KCNIP4: variants seen among roughly 807,000 people sequenced by gnomAD.
The protein encoded by KCNIP4 is Kv channel-interacting protein 4.
KCNIP4 carries 12 observed loss-of-function variants against 34.0 expected under a neutral mutation model. That is an observed-to-expected ratio of 0.35 (90% CI 0.23 to 0.57). The LOEUF is 0.57. Among genes scored for constraint, KCNIP4 ranks in the 20% least tolerant of loss-of-function variants. The pLI is 0.83. For synonymous variants in KCNIP4, 124 were observed against 102.2 expected, an observed-to-expected ratio of 1.21 and a Z score of -1.29; for missense variants, 238 against 311.7, an observed-to-expected ratio of 0.76 and a Z score of 1.78.
In KCNIP4 at chr4:21,040,799, C is replaced by T. The variant is rs146441614; in HGVS notation, c.62-158090G>A. Among the ~76,000 whole-genome samples, 819 of 151,802 alleles carry T rather than the reference C, an allele frequency of 5.4e-3. 6 individuals are homozygous for T. The highest frequency in any genetic ancestry group is 0.019 in the African/African-American group (782 of 41,402). On this transcript the variant is annotated intron_variant, in intron 1 of 8. Coordinates refer to ENST00000382152, the MANE Select transcript of KCNIP4 (RefSeq NM_025221.6). ...AAAAACATGATGAAAAGTAAGAAGA[C>T]GAAAATGACTAGAGTGGCTTTAAAA... is the stretch of plus-strand genomic sequence containing the variant.
intron 1 of KCNIP4, among the ~76,000 whole-genome samples, chr4:21,636,195 C>T (rs1245296666): frequency 3.4e-5 from 5 of 148,792 alleles, no homozygotes; most frequent in African/African-American, 5.0e-5. Context: ...CGCTAGATGA[C>T]GAGTTAGTGG....
intron 2 of KCNIP4, among the ~76,000 whole-genome samples, chr4:20,882,394 C>A (rs1724793324): frequency 6.6e-6 from 1 of 152,132 alleles, no homozygotes; most frequent in Admixed American, 6.5e-5. Flanking sequence ...GCAGGACAGG[C>A]TCCTGTCACT....
chr4:21,757,165 AAG>A (rs1230882105), intron 1 of KCNIP4, among the ~76,000 whole-genome samples: 3 of 31,498 alleles, frequency 9.5e-5, no homozygotes, highest in African/African-American at 1.8e-4. Flanking sequence ...GAAAGAAAGA[AAG>A]AAGGAAGGAA....
rs796924710 is a variant in KCNIP4 at position 20,839,246 on chromosome 4, C to T, written c.288+11297G>A. Among the ~76,000 whole-genome samples the T allele has an allele frequency of 1.0e-3, 156 of 152,112 alleles. 1 individual carries two copies. Among genetic ancestry groups the T allele is most frequent in the African/African-American group, 3.5e-3 (146 of 41,500 alleles). Reference sequence around the variant, plus strand: ...GATGTCTAACAAGTAAGTCATTAGACATCCAGTGCTTAGCATGTACCCAAA... The same window carrying T: ...GATGTCTAACAAGTAAGTCATTAGATATCCAGTGCTTAGCATGTACCCAAA... On this transcript the variant is annotated intron_variant, in intron 3 of 8. Transcript: ENST00000382152.
At chr4:20,839,407 TATA>T (rs1719455546) in intron 3 of KCNIP4, among the ~76,000 whole-genome samples, 1 of 151,262 alleles carries the variant, frequency 6.6e-6, no homozygotes, top group Non-Finnish European at 1.5e-5. Context: ...TACACATAGA[TATA>T]AGAATATATT....
intron 1 of KCNIP4, among the ~76,000 whole-genome samples, chr4:21,940,176 G>A (rs1368386112): frequency 1.3e-5 from 2 of 152,158 alleles, no homozygotes; most frequent in African/African-American, 4.8e-5. Flanking sequence ...ATAATGTAAT[G>A]TCTTTAGGTG....
chr4:21,347,926 A>T (rs988939459), intron 1 of KCNIP4, among the ~76,000 whole-genome samples: 1 of 152,184 alleles, frequency 6.6e-6, no homozygotes, highest in Non-Finnish European at 1.5e-5. Flanking sequence ...AAAAGCTTAA[A>T]GGCTTCCACT....
At chr4:21,610,582 A>G (rs1364190097) in intron 1 of KCNIP4, among the ~76,000 whole-genome samples, 1 of 152,214 alleles carries the variant, frequency 6.6e-6, no homozygotes, top group Non-Finnish European at 1.5e-5. Flanking sequence ...ATCAAAATTC[A>G]CATTAGGGAT....
chr4:21,386,425 T>C (rs1038056583), intron 1 of KCNIP4, among the ~76,000 whole-genome samples: 1 of 152,074 alleles, frequency 6.6e-6, no homozygotes, highest in Non-Finnish European at 1.5e-5. Flanking sequence ...TGAAAGACTG[T>C]CATAAAAAAA....
intron 1 of KCNIP4, among the ~76,000 whole-genome samples, chr4:21,942,784 G>T (rs6816983): frequency 6.6e-6 from 1 of 152,164 alleles, no homozygotes; most frequent in Non-Finnish European, 1.5e-5. Flanking sequence ...TTGAGACAGA[G>T]TCTCACTCTG....
intron 1 of KCNIP4, among the ~76,000 whole-genome samples, chr4:21,038,565 TC>T (rs1424247327): frequency 6.6e-6 from 1 of 152,058 alleles, no homozygotes; most frequent in African/African-American, 2.4e-5. Context: ...GGGCTTCGAA[TC>T]CCTTCACTAA....
chr4:21,907,494 A>G (rs1407574214), intron 1 of KCNIP4, among the ~76,000 whole-genome samples: 1 of 152,214 alleles, frequency 6.6e-6, no homozygotes, highest in Non-Finnish European at 1.5e-5. Context: ...GAAACAGAAA[A>G]CAGAGGAAGA....
At chr4:21,315,767 C>T (rs554943155) in intron 1 of KCNIP4, among the ~76,000 whole-genome samples, 54 of 152,262 alleles carry the variant, frequency 3.5e-4, no homozygotes, top group Middle Eastern at 6.8e-3. Flanking sequence ...TCTGTGAAGC[C>T]TCTCTTCCCT....
chr4:21,417,045 A>C (rs1490771863), intron 1 of KCNIP4, among the ~76,000 whole-genome samples: 1 of 152,204 alleles, frequency 6.6e-6, no homozygotes, highest in Non-Finnish European at 1.5e-5. Context: ...TTTTGTAAGG[A>C]AATGATGGCA....
At chr4:21,786,759 G>A (rs1719943198) in intron 1 of KCNIP4, among the ~76,000 whole-genome samples, 2 of 151,964 alleles carry the variant, frequency 1.3e-5, no homozygotes, top group South Asian at 2.1e-4. Flanking sequence ...GTAGAGACGG[G>A]GTTTCATCGT....
At chr4:20,843,154 C>T (rs1244138212) in intron 3 of KCNIP4, among the ~76,000 whole-genome samples, 1 of 152,004 alleles carries the variant, frequency 6.6e-6, no homozygotes, top group African/African-American at 2.4e-5. Flanking sequence ...GTGATCCAGC[C>T]GCCTAGGCTT....
At chr4:21,331,847 T>G (rs16870818) in intron 1 of KCNIP4, among the ~76,000 whole-genome samples, 48,211 of 151,890 alleles carry the variant, frequency 0.32, 7,684 homozygotes, top group Middle Eastern at 0.41. Context: ...GGATGTTTCA[T>G]ATTTCACAGT....
intron 1 of KCNIP4, among the ~76,000 whole-genome samples, chr4:21,075,756 A>T (rs546324051): frequency 1.3e-5 from 2 of 152,260 alleles, no homozygotes; most frequent in South Asian, 4.1e-4. Context: ...ACAATTTGGC[A>T]TGTTTTTGCA....
chr4:21,549,411 G>A (rs1243664764), intron 1 of KCNIP4, among the ~76,000 whole-genome samples: 1 of 151,850 alleles, frequency 6.6e-6, no homozygotes, highest in Non-Finnish European at 1.5e-5. Context: ...ATAGTAATGA[G>A]TGAATTCTCA....
Sources: gnomAD v4.1 joint callset for allele counts (sites outside exome capture counted in the v4.1 genomes callset) on GRCh38, gnomAD v4.1.1 for gene constraint, MANE v1.5 for transcripts, NCBI Gene and HGNC (gene_info 2026-07-23, HGNC 2026-07-21) for gene names.